CHN2: variants seen among roughly 807,000 people sequenced by gnomAD.
The protein encoded by CHN2 is beta-chimaerin.
A neutral mutation model predicts 56.3 loss-of-function variants in CHN2; 35 were observed. The observed-to-expected ratio is 0.62, with a 90% CI of 0.47 to 0.82. CHN2 has a LOEUF of 0.82. Ranked by LOEUF, CHN2 falls within the 40% of genes least tolerant of loss-of-function variation. CHN2 has a pLI of 0.00. For synonymous variants in CHN2, 210 were observed against 212.8 expected, an observed-to-expected ratio of 0.99 and a Z score of 0.12; for missense variants, 491 against 580.5, an observed-to-expected ratio of 0.85 and a Z score of 1.58.
chr7:29,311,625 AT>A (rs779960214), intron 1 of CHN2, among the ~76,000 whole-genome samples: 1 of 152,152 alleles, frequency 6.6e-6, no homozygotes, highest in Non-Finnish European at 1.5e-5. Context: ...GAGCATATAT[AT>A]CTGCTGCTGC....
intron 6 of CHN2, among the ~76,000 whole-genome samples, chr7:29,418,834 T>A (rs1562592159): frequency 6.6e-6 from 1 of 152,216 alleles, no homozygotes; most frequent in Admixed American, 6.5e-5. Context: ...CAAGTATTTT[T>A]AAACAAATTT....
intron 1 of CHN2, among the ~76,000 whole-genome samples, chr7:29,348,253 C>T (rs779233625): frequency 6.6e-6 from 1 of 152,096 alleles, no homozygotes; most frequent in Non-Finnish European, 1.5e-5. Flanking sequence ...TTTGTTTTCC[C>T]TCAAAGACCA....
In CHN2 at chr7:29,412,320, C is replaced by CTTTTTTTTTTT. The variant is rs1158746299; in HGVS notation, c.576+11510_576+11520dup. Among the ~76,000 whole-genome samples the CTTTTTTTTTTT allele has an allele frequency of 1.3e-4, 9 of 69,512 alleles. 1 individual carries two copies. Among genetic ancestry groups the CTTTTTTTTTTT allele is most frequent in the African/African-American group, 4.3e-4 (7 of 16,106 alleles). The allele number at this position is 69,512 out of a possible 152,430, so 45.6% of individuals were successfully genotyped here. A position where few individuals can be genotyped will look rare whatever the true frequency, so the allele number is the denominator to read the frequency against. On this transcript the variant is annotated intron_variant, in intron 6 of 12. Coordinates refer to ENST00000222792, the MANE Select transcript of CHN2 (RefSeq NM_004067.4). ...AGATTAAGGCGCTCTGCTAAAGAGT[C>CTTTTTTTTTTT]TTTTTTTTTTTTTTTTTTTTTTTTT... is the stretch of plus-strand genomic sequence containing the variant.
At chr7:29,345,643 G>T (rs1192823544) in intron 1 of CHN2, among the ~76,000 whole-genome samples, 1 of 152,158 alleles carries the variant, frequency 6.6e-6, no homozygotes, top group Non-Finnish European at 1.5e-5. Context: ...GCCAGATCGT[G>T]CAGAGTTTCG....
At chr7:29,471,615 C>T (rs77919553) in intron 6 of CHN2, among the ~76,000 whole-genome samples, 12 of 152,278 alleles carry the variant, frequency 7.9e-5, no homozygotes, top group Admixed American at 2.6e-4. Flanking sequence ...TAAGACTGTT[C>T]CTTCGGCACT....
chr7:29,164,730 G>A (rs1160542278), intron 2 of CHN2, among the ~76,000 whole-genome samples: 4 of 138,788 alleles, frequency 2.9e-5, no homozygotes, highest in South Asian at 2.3e-4. Flanking sequence ...GCAGTGAGCC[G>A]AGATCTCACC....
At chr7:29,272,191 C>T (rs1333196480) in intron 1 of CHN2, among the ~76,000 whole-genome samples, 2 of 152,130 alleles carry the variant, frequency 1.3e-5, no homozygotes, top group African/African-American at 4.8e-5. Context: ...ACGGAGTCCG[C>T]CACGGTCTCT....
intron 6 of CHN2, among the ~76,000 whole-genome samples, chr7:29,432,542 T>G (rs1478502869): frequency 6.6e-6 from 1 of 152,146 alleles, no homozygotes; most frequent in African/African-American, 2.4e-5. Flanking sequence ...CAGGAATCTA[T>G]ACTATACTCG....
intron 1 of CHN2, among the ~76,000 whole-genome samples, chr7:29,239,937 A>T (rs58444312): frequency 0.077 from 11,688 of 152,074 alleles, 1,350 homozygotes; most frequent in African/African-American, 0.26. Flanking sequence ...AGATTTTTTT[A>T]AAAAAATGCA....
intron 6 of CHN2, among the ~76,000 whole-genome samples, chr7:29,431,335 G>T (rs560333887): frequency 6.6e-6 from 1 of 152,300 alleles, no homozygotes; most frequent in East Asian, 1.9e-4. Flanking sequence ...CTGGATTATA[G>T]AGTTAAATCT....
intron 6 of CHN2, among the ~76,000 whole-genome samples, chr7:29,420,244 A>C (rs995941854): frequency 6.6e-6 from 1 of 152,220 alleles, no homozygotes; most frequent in African/African-American, 2.4e-5. Flanking sequence ...TAGAATCACC[A>C]TATGATCTAA....
At chr7:29,458,860 A>G (rs1234920346) in intron 6 of CHN2, among the ~76,000 whole-genome samples, 4 of 152,196 alleles carry the variant, frequency 2.6e-5, no homozygotes, top group Non-Finnish European at 5.9e-5. Context: ...CCCTTTACCT[A>G]TCTCATCTGC....
chr7:29,152,967 A>T (rs766654727), intron 2 of CHN2, among the ~76,000 whole-genome samples: 2 of 152,218 alleles, frequency 1.3e-5, no homozygotes, highest in African/African-American at 2.4e-5. Flanking sequence ...GTCATCCTCT[A>T]TCTGAGGGGT....
chr7:29,480,687 A>G (rs1787097754), intron 7 of CHN2, among the ~76,000 whole-genome samples: 1 of 152,246 alleles, frequency 6.6e-6, no homozygotes, highest in Non-Finnish European at 1.5e-5. Flanking sequence ...TGTTCTGCTG[A>G]GAGCTGAGCA....
At chr7:29,435,477 C>T (rs993819809) in intron 6 of CHN2, among the ~76,000 whole-genome samples, 4 of 152,182 alleles carry the variant, frequency 2.6e-5, no homozygotes, top group Non-Finnish European at 5.9e-5. Flanking sequence ...AGTGGTAGAG[C>T]CCACTACATA....
At chr7:29,438,682 C>A (rs1783416534) in intron 6 of CHN2, among the ~76,000 whole-genome samples, 2 of 152,290 alleles carry the variant, frequency 1.3e-5, no homozygotes, top group African/African-American at 4.8e-5. Flanking sequence ...GTTTGGGGAA[C>A]CTCTTTCCTC....
intron 1 of CHN2, among the ~76,000 whole-genome samples, chr7:29,351,478 G>A (rs1330719838): frequency 3.3e-5 from 5 of 152,174 alleles, no homozygotes; most frequent in Non-Finnish European, 7.3e-5. Context: ...AATTTCAGAG[G>A]GTAATAGTGC....
At chr7:29,451,058 C>T (rs1784369978) in intron 6 of CHN2, among the ~76,000 whole-genome samples, 1 of 152,176 alleles carries the variant, frequency 6.6e-6, no homozygotes, top group Non-Finnish European at 1.5e-5. Context: ...CGTGAGCCAT[C>T]ACACCCGGCC....
chr7:29,356,309 TAC>T (rs1798312741), intron 2 of CHN2, among the ~76,000 whole-genome samples: 1 of 152,244 alleles, frequency 6.6e-6, no homozygotes, highest in African/African-American at 2.4e-5. Context: ...ATATAATATA[TAC>T]ACACAGCCAC....
Sources: allele counts gnomAD v4.1 joint callset (sites outside exome capture counted in the v4.1 genomes callset), GRCh38; gene constraint gnomAD v4.1.1; transcripts MANE v1.5; gene names NCBI Gene and HGNC (gene_info 2026-07-23, HGNC 2026-07-21).